Variants in KCNAB1 observed in about 807,000 individuals in gnomAD.
The protein encoded by KCNAB1 is voltage-gated potassium channel subunit beta-1.
Under a neutral mutation model 64.6 loss-of-function variants are expected in KCNAB1, and 35 were observed. The observed-to-expected ratio is 0.54, with a 90% CI of 0.41 to 0.72. The LOEUF is 0.72. Ranked by LOEUF, KCNAB1 falls within the 30% of genes least tolerant of loss-of-function variation. The pLI is 0.00. For synonymous variants in KCNAB1, 177 were observed against 183.8 expected, an observed-to-expected ratio of 0.96 and a Z score of 0.30; for missense variants, 401 against 512.9, an observed-to-expected ratio of 0.78 and a Z score of 2.11.
In KCNAB1 at chr3:156,120,607, C is replaced by G. The variant is rs1458121198; in HGVS notation, c.-5C>G. The G allele has an allele frequency of 1.2e-6, 2 of 1,613,762 alleles. No homozygotes were observed. The highest frequency in any genetic ancestry group is 2.2e-5 in the South Asian group (2 of 91,042). ...ACTTCCAGTCTTCTCTGAAAGATCT[C>G]CACGATGCTGGCAGCCCGGACAGGG... On this transcript the variant is annotated 5_prime_UTR_variant, in exon 1 of 14. Coordinates refer to ENST00000490337, the MANE Select transcript of KCNAB1 (RefSeq NM_172160.3).
At chr3:156,405,944 T>C (rs1489796858) in intron 1 of KCNAB1, among the ~76,000 whole-genome samples, 1 of 152,216 alleles carries the variant, frequency 6.6e-6, no homozygotes, top group Non-Finnish European at 1.5e-5. Flanking sequence ...GGTCTTGACT[T>C]GGAGCTCTTG....
intron 1 of KCNAB1, among the ~76,000 whole-genome samples, chr3:156,405,655 A>T (rs1714200408): frequency 6.6e-6 from 1 of 152,182 alleles, no homozygotes; most frequent in Non-Finnish European, 1.5e-5. Context: ...ACGCATTTTT[A>T]AAGATCATAC....
At chr3:156,458,004 C>T (rs1229268541) in intron 4 of KCNAB1, among the ~76,000 whole-genome samples, 2 of 152,066 alleles carry the variant, frequency 1.3e-5, no homozygotes, top group Non-Finnish European at 2.9e-5. Flanking sequence ...GGAGCTCTCA[C>T]TGTTGAACTG....
At chr3:156,216,360 G>C (rs1715318180) in intron 1 of KCNAB1, among the ~76,000 whole-genome samples, 1 of 152,328 alleles carries the variant, frequency 6.6e-6, no homozygotes, top group African/African-American at 2.4e-5. Context: ...GCTGCTGAAA[G>C]CTGGCATGAA....
chr3:156,179,559 A>C (rs1032694997), intron 1 of KCNAB1, among the ~76,000 whole-genome samples: 1 of 151,780 alleles, frequency 6.6e-6, no homozygotes, highest in Non-Finnish European at 1.5e-5. Context: ...CTCAGAAGGC[A>C]CCTGTCATGG....
At chr3:156,214,357 T>G (rs1377742664) in intron 1 of KCNAB1, among the ~76,000 whole-genome samples, 1 of 152,004 alleles carries the variant, frequency 6.6e-6, no homozygotes, top group Non-Finnish European at 1.5e-5. Context: ...GCCCTTAATC[T>G]GGGGGTCTAT....
chr3:156,326,212 C>T lies in KCNAB1; in HGVS notation c.276-95404C>T, dbSNP rs3755626. Among the ~76,000 whole-genome samples the T allele has an allele frequency of 3.9e-3, 588 of 152,248 alleles. 15 individuals are homozygous for T. In the East Asian group the frequency reaches 0.053, roughly 14 times the overall value. On this transcript the variant is annotated intron_variant, in intron 1 of 13. Coordinates refer to ENST00000490337, the MANE Select transcript of KCNAB1 (RefSeq NM_172160.3). ...TTGCATTGGATGTGCTTATTTATAA[C>T]CCCTAACTGTCTTTGACATGGCATC...
chr3:156,317,519 C>CTTT (rs1722358797), intron 1 of KCNAB1, among the ~76,000 whole-genome samples: 1 of 150,138 alleles, frequency 6.7e-6, no homozygotes, highest in Non-Finnish European at 1.5e-5. Context: ...TCCATTAATA[C>CTTT]GTGTGGTAAT....
chr3:156,155,661 T>C (rs2108300691), intron 1 of KCNAB1, among the ~76,000 whole-genome samples: 1 of 152,272 alleles, frequency 6.6e-6, no homozygotes, highest in East Asian at 1.9e-4. Context: ...ACAGCCAGTG[T>C]GTCAAGGGCA....
chr3:156,284,038 T>C (rs913388405), intron 1 of KCNAB1, among the ~76,000 whole-genome samples: 3 of 152,118 alleles, frequency 2.0e-5, no homozygotes, highest in Admixed American at 6.5e-5. Flanking sequence ...GGAGGAGAGG[T>C]GCTCTGCTTT....
At chr3:156,300,462 C>T (rs936913142) in intron 1 of KCNAB1, among the ~76,000 whole-genome samples, 1 of 152,184 alleles carries the variant, frequency 6.6e-6, no homozygotes, top group African/African-American at 2.4e-5. Flanking sequence ...TTCAAACCCT[C>T]TATACAATGT....
At chr3:156,420,984 ATATC>A (rs1715429859) in intron 1 of KCNAB1, among the ~76,000 whole-genome samples, 1 of 149,254 alleles carries the variant, frequency 6.7e-6, no homozygotes, top group Non-Finnish European at 1.5e-5. Context: ...AGTTAAATAT[ATATC>A]TATGTATTAT....
chr3:156,303,765 G>C (rs143165028), intron 1 of KCNAB1, among the ~76,000 whole-genome samples: 94 of 152,272 alleles, frequency 6.2e-4, no homozygotes, highest in Non-Finnish European at 1.1e-3. Flanking sequence ...ATAGTAAGGG[G>C]AAGAGCCTGA....
chr3:156,456,253 C>T (rs1037011304), intron 3 of KCNAB1: 1 of 151,930 alleles, frequency 6.6e-6, no homozygotes, highest in Non-Finnish European at 1.5e-5. Context: ...AATCTTCATC[C>T]AGAATTCTCC....
At chr3:156,267,429 A>G (rs1560166274) in intron 1 of KCNAB1, among the ~76,000 whole-genome samples, 1 of 152,116 alleles carries the variant, frequency 6.6e-6, no homozygotes, top group Non-Finnish European at 1.5e-5. Flanking sequence ...CTTGACCCCC[A>G]ACCAGAATCC....
At chr3:156,172,471 G>T (rs1392195342) in intron 1 of KCNAB1, among the ~76,000 whole-genome samples, 1 of 152,084 alleles carries the variant, frequency 6.6e-6, no homozygotes, top group African/African-American at 2.4e-5. Context: ...TTGGAGACAG[G>T]GTTTCGCCAT....
At chr3:156,454,534 A>G (rs1712246858) in intron 3 of KCNAB1, among the ~76,000 whole-genome samples, 1 of 152,164 alleles carries the variant, frequency 6.6e-6, no homozygotes, top group African/African-American at 2.4e-5. Context: ...AGCTCAGGGA[A>G]TAAGTCCCTC....
chr3:156,198,116 C>G (rs1464529268), intron 1 of KCNAB1, among the ~76,000 whole-genome samples: 1 of 152,158 alleles, frequency 6.6e-6, no homozygotes, highest in African/African-American at 2.4e-5. Flanking sequence ...TTTTCTTAAT[C>G]CTGGGCTCTA....
chr3:156,209,055 T>C (rs1369702881), intron 1 of KCNAB1, among the ~76,000 whole-genome samples: 1 of 152,260 alleles, frequency 6.6e-6, no homozygotes, highest in Admixed American at 6.5e-5. Context: ...TAAGATACTA[T>C]GTTTTTTAAA....
Sources: gnomAD v4.1 joint callset for allele counts (sites outside exome capture counted in the v4.1 genomes callset) on GRCh38, gnomAD v4.1.1 for gene constraint, MANE v1.5 for transcripts, NCBI Gene and HGNC (gene_info 2026-07-23, HGNC 2026-07-21) for gene names.